NEDD4L: variants seen among roughly 807,000 people sequenced by gnomAD.
The protein encoded by NEDD4L is NEDD4 like E3 ubiquitin protein ligase.
NEDD4L carries 54 observed loss-of-function variants against 148.9 expected under a neutral mutation model. That is an observed-to-expected ratio of 0.36 (90% CI 0.29 to 0.45). The LOEUF (loss-of-function observed/expected upper bound fraction) is 0.45, where lower values mean the gene tolerates loss of function less well. Ranked by LOEUF, NEDD4L falls within the 20% of genes least tolerant of loss-of-function variation. The pLI is 1.00. For missense variants in NEDD4L, 856 were observed against 1,233.8 expected (o/e 0.69, Z 4.59); for synonymous variants, 433 against 440.7 (o/e 0.98, Z 0.22).
chr18:58,323,296 C>A lies in NEDD4L; in HGVS notation c.475C>A (p.Gln159Lys). Residue 159 changes from glutamine to lysine, a missense_variant, in exon 8 of 31, where the codon CAA becomes AAA. Gln to Lys is a moderately conservative substitution (Grantham distance 53). Coordinates refer to ENST00000400345, the MANE Select transcript of NEDD4L (RefSeq NM_001144967.3). Reference sequence around the variant, plus strand: ...GGCCTATATGCCAAAAAATGGAGGTCAAGATGAAGAAAACAGTGACCAGAG... The same window carrying A: ...GGCCTATATGCCAAAAAATGGAGGTAAAGATGAAGAAAACAGTGACCAGAG... ...KMAYMPKNGG[Q>K]DEENSDQRDD... 1.2e-6 allele frequency: 2 copies of A among 1,601,054 alleles called. No individual in the cohort carries two copies. Among genetic ancestry groups the A allele is most frequent in the South Asian group, 2.3e-5 (2 of 88,120 alleles).
chr18:58,263,320 G>A (rs1225450763), intron 5 of NEDD4L, among the ~76,000 whole-genome samples: 1 of 152,132 alleles, frequency 6.6e-6, no homozygotes, highest in Non-Finnish European at 1.5e-5. Flanking sequence ...GGTTCCTAGA[G>A]TTTACACAGC....
chr18:58,328,914 C>T (rs1361688902), intron 9 of NEDD4L, 81 bp from the exon 10 acceptor site: 4 of 1,541,252 alleles, frequency 2.6e-6, no homozygotes, highest in South Asian at 1.2e-5. Context: ...CCATCTGGCC[C>T]TCCGTGAGCA....
intron 5 of NEDD4L, among the ~76,000 whole-genome samples, chr18:58,283,358 G>A (rs892073641): frequency 2.6e-5 from 4 of 152,180 alleles, no homozygotes; most frequent in Admixed American, 6.5e-5. Flanking sequence ...TTACAGGCGT[G>A]AGCCACCATG....
intron 2 of NEDD4L, among the ~76,000 whole-genome samples, chr18:58,169,412 A>T (rs1343070899): frequency 6.6e-6 from 1 of 152,198 alleles, no homozygotes; most frequent in Non-Finnish European, 1.5e-5. Flanking sequence ...TCTGGAATGA[A>T]TGCGACATTG....
chr18:58,149,079 C>A (rs141263396), intron 1 of NEDD4L, among the ~76,000 whole-genome samples: 48 of 152,276 alleles, frequency 3.2e-4, no homozygotes, highest in Non-Finnish European at 4.1e-4. Context: ...CTGAAAGTGG[C>A]AGAGAGGAAG....
chr18:58,278,063 G>A (rs950337895), intron 5 of NEDD4L, among the ~76,000 whole-genome samples: 1 of 151,946 alleles, frequency 6.6e-6, no homozygotes, highest in African/African-American at 2.4e-5. Flanking sequence ...CCGTGTCATT[G>A]TTTGAGAAAT....
intron 2 of NEDD4L, among the ~76,000 whole-genome samples, chr18:58,227,381 A>G (rs1360774680): frequency 6.6e-6 from 1 of 152,172 alleles, no homozygotes; most frequent in African/African-American, 2.4e-5. Context: ...GGTGTCCTGA[A>G]GGACCTCCTG....
intron 1 of NEDD4L, among the ~76,000 whole-genome samples, chr18:58,063,050 TTTTTTTTTTTTTTG>T (rs2082411136): frequency 2.1e-5 from 1 of 47,788 alleles, no homozygotes; most frequent in African/African-American, 6.2e-5. Context: ...TTTTTTTTTT[TTTTTTTTTTTTTTG>T]AGACAGTATC....
intron 1 of NEDD4L, among the ~76,000 whole-genome samples, chr18:58,047,856 G>T (rs543972253): frequency 6.6e-6 from 1 of 152,298 alleles, no homozygotes; most frequent in East Asian, 1.9e-4. Flanking sequence ...GTTTACTTAT[G>T]AATGTTACCG....
rs181712266 is a variant in NEDD4L at position 58,184,510 on chromosome 18, C to T, written c.122+18649C>T. On this transcript the variant is annotated intron_variant, in intron 2 of 30. Coordinates refer to ENST00000400345, the MANE Select transcript of NEDD4L (RefSeq NM_001144967.3). ...ATTATTATCCTACCTCCTAAGCCAT[C>T]CCTGGAGTGGTGGCTTGGAGAAGTT... Among the ~76,000 whole-genome samples, 117 of 152,186 alleles carry T rather than the reference C, an allele frequency of 7.7e-4. 3 individuals carry two copies. In the East Asian group the frequency reaches 0.019, roughly 25 times the overall value.
At chr18:58,214,607 TTGTGTGTGTG>T (rs59608519) in intron 2 of NEDD4L, among the ~76,000 whole-genome samples, 43,751 of 145,326 alleles carry the variant, frequency 0.3, 6,846 homozygotes, top group East Asian at 0.46. Flanking sequence ...GCTGCTCGGT[TTGTGTGTGTG>T]TGTGTGTGTG....
intron 19 of NEDD4L, among the ~76,000 whole-genome samples, chr18:58,359,628 A>G (rs144118915): frequency 1.3e-5 from 2 of 152,286 alleles, no homozygotes; most frequent in East Asian, 3.9e-4. Context: ...TGGTTTGCCC[A>G]CCATTGGTTC....
At chr18:58,379,426 C>T (rs914915446) in intron 24 of NEDD4L, among the ~76,000 whole-genome samples, 9 of 152,226 alleles carry the variant, frequency 5.9e-5, no homozygotes, top group Non-Finnish European at 1.5e-5. Context: ...TGAGGACATA[C>T]AGTCCCTCCC....
intron 1 of NEDD4L, among the ~76,000 whole-genome samples, chr18:58,090,421 G>A (rs1184559022): frequency 6.6e-6 from 1 of 152,092 alleles, no homozygotes; most frequent in Non-Finnish European, 1.5e-5. Context: ...GCTTTTGTTG[G>A]TTCCTTCCGT....
chr18:58,367,753 T>A lies in NEDD4L; in HGVS notation c.2071T>A (p.Tyr691Asn). The A allele has an allele frequency of 6.2e-7, 1 of 1,613,968 alleles. No individual in the cohort carries two copies. Among genetic ancestry groups the A allele is most frequent in the Non-Finnish European group, 8.5e-7 (1 of 1,179,844 alleles). Residue 691 changes from tyrosine to asparagine, a missense_variant, in exon 22 of 31, where the codon TAC becomes AAC. This residue lies in a region of NEDD4L where 286 missense variants were observed against 531.8 expected (regional missense o/e 0.54). Coordinates refer to ENST00000400345, the MANE Select transcript of NEDD4L (RefSeq NM_001144967.3). Reference sequence around the variant, plus strand: ...TCTCTTTCTCCTCAAAAGGGACAACTACACCCTTCAGATCAACCCTAATTC... The same window carrying A: ...TCTCTTTCTCCTCAAAAGGGACAACAACACCCTTCAGATCAACCCTAATTC... ...GLFEYSATDNYTLQINPNSGL... is the reference protein window; with the variant it reads ...GLFEYSATDNNTLQINPNSGL...
chr18:58,257,693 T>C (rs952703525), intron 5 of NEDD4L, among the ~76,000 whole-genome samples: 2 of 152,222 alleles, frequency 1.3e-5, no homozygotes, highest in African/African-American at 4.8e-5. Flanking sequence ...GAGAGACAGC[T>C]GCACGCTCCA....
chr18:58,171,885 A>G (rs2037549951), intron 2 of NEDD4L, among the ~76,000 whole-genome samples: 1 of 152,262 alleles, frequency 6.6e-6, no homozygotes, highest in African/African-American at 2.4e-5. Context: ...GAGTGGGCTC[A>G]GAGAAAAGAA....
In NEDD4L at chr18:58,044,584, C is replaced by CAGAGGGGAG; in HGVS notation, c.-75_-67dup. 1.4e-6 allele frequency: 2 copies of CAGAGGGGAG among 1,471,860 alleles called. No individual in the cohort carries two copies. The highest frequency in any genetic ancestry group is 1.8e-6 in the Non-Finnish European group (2 of 1,109,366). The allele number at this position is 1,471,860 out of a possible 1,614,324, so 91.2% of individuals were successfully genotyped here. On this transcript the variant is annotated 5_prime_UTR_variant, in exon 1 of 31. Coordinates refer to ENST00000400345, the MANE Select transcript of NEDD4L (RefSeq NM_001144967.3). ...GTGCGGGACCGGGGGGACCTGGAGG[C>CAGAGGGGAG]AGAGGGGAGAACCGGCCGTCCGCGC...
intron 1 of NEDD4L, among the ~76,000 whole-genome samples, chr18:58,159,228 T>C (rs1264957207): frequency 6.6e-6 from 1 of 151,876 alleles, no homozygotes; most frequent in African/African-American, 2.4e-5. Context: ...TGTGAGATTT[T>C]TTAAAAAATG....
Sources: gnomAD v4.1 joint callset for allele counts (sites outside exome capture counted in the v4.1 genomes callset) on GRCh38, gnomAD v4.1.1 for gene constraint, gnomAD v4.1.1 regional missense constraint, MANE v1.5 for transcripts, NCBI Gene and HGNC (gene_info 2026-07-23, HGNC 2026-07-21) for gene names.